Variants in ATG16L1 observed in about 807,000 individuals in gnomAD.
ATG16L1 encodes autophagy related 16 like 1.
ATG16L1 carries 37 observed loss-of-function variants against 88.5 expected under a neutral mutation model. The observed-to-expected ratio is 0.42, with a 90% CI of 0.32 to 0.55. The LOEUF (loss-of-function observed/expected upper bound fraction) is 0.55. ATG16L1 is among the 20% of genes least tolerant of loss of function. ATG16L1 has a pLI of 0.13. For missense variants in ATG16L1, 554 were observed against 752.8 expected (o/e 0.74, Z 3.09); for synonymous variants, 301 against 281.0 (o/e 1.07, Z -0.71).
intron 12 of ATG16L1, chr2:233,283,039 G>T (rs533171100): frequency 4.1e-4 from 133 of 327,878 alleles, no homozygotes; most frequent in Non-Finnish European, 5.9e-4. Flanking sequence ...TTGGCTTAAT[G>T]GCACAGAACT....
chr2:233,254,484 C>T (rs984725927), intron 1 of ATG16L1, among the ~76,000 whole-genome samples: 14 of 152,092 alleles, frequency 9.2e-5, no homozygotes, highest in African/African-American at 2.7e-4. Context: ...CTGTTCAGTC[C>T]GTGCCTTTGA....
At chr2:233,261,012 G>A (rs1400423837) in intron 2 of ATG16L1, among the ~76,000 whole-genome samples, 1 of 152,180 alleles carries the variant, frequency 6.6e-6, no homozygotes, top group Non-Finnish European at 1.5e-5. Context: ...CTGGAGGGCA[G>A]TGGCGCAGTC....
Position 233,294,489 on chromosome 2 carries a change from T to A in ATG16L1, c.*139T>A. 1.8e-6 allele frequency: 1 copy of A among 570,706 alleles called. No individual in the cohort carries two copies. The highest frequency in any genetic ancestry group is 2.4e-5 in the South Asian group (1 of 41,466). The allele number at this position is 570,706 out of a possible 1,614,324, so 35.4% of individuals were successfully genotyped here. Reference sequence around the variant, plus strand: ...AGCTCAAGCTATGTGGCACTGTAGCTTTGCCGTGAATGGGATTTCTGAAGA... The same window carrying A: ...AGCTCAAGCTATGTGGCACTGTAGCATTGCCGTGAATGGGATTTCTGAAGA... On this transcript the variant is annotated 3_prime_UTR_variant, in exon 18 of 18. Coordinates refer to ENST00000392017, the MANE Select transcript of ATG16L1 (RefSeq NM_030803.7).
chr2:233,279,403 A>G (rs1482198414), intron 10 of ATG16L1, among the ~76,000 whole-genome samples: 1 of 152,218 alleles, frequency 6.6e-6, no homozygotes. Context: ...ATACTGACAT[A>G]ATCTGTGCCA....
intron 12 of ATG16L1, among the ~76,000 whole-genome samples, chr2:233,284,210 G>A (rs541601878): frequency 1.3e-5 from 2 of 149,722 alleles, no homozygotes; most frequent in South Asian, 2.1e-4. Flanking sequence ...GTGCAATGAC[G>A]TGATCTCGGC....
chr2:233,292,212 C>A lies in ATG16L1; in HGVS notation c.1515C>A (p.Ser505Arg). 1 of 1,614,246 alleles carries A rather than the reference C, an allele frequency of 6.2e-7. No homozygotes were observed. Among genetic ancestry groups the A allele is most frequent in the Non-Finnish European group, 8.5e-7 (1 of 1,180,036 alleles). The change falls in exon 15 of 18, where the codon AGC becomes AGA. Residue 505 changes from serine (S) to arginine (R), a missense_variant. This residue lies in a region of ATG16L1 where 370 missense variants were observed against 509.7 expected (regional missense o/e 0.73). Coordinates refer to ENST00000392017, the MANE Select transcript of ATG16L1 (RefSeq NM_030803.7). Reference protein sequence around the residue: ...DLNPERTELLSCSRDDLLKVI... With the variant: ...DLNPERTELLRCSRDDLLKVI... ...ACCCAGAAAGGACTGAGCTCCTGAG[C>A]TGCTCCCGTGATGACTTGCTAAAAG...
At chr2:233,262,266 G>A (rs760322463) in intron 2 of ATG16L1, among the ~76,000 whole-genome samples, 1 of 152,104 alleles carries the variant, frequency 6.6e-6, no homozygotes, top group African/African-American at 2.4e-5. Flanking sequence ...GGTCTGAGCC[G>A]CACTGTCCCA....
At chr2:233,277,938 T>G (rs553184552) in intron 10 of ATG16L1, among the ~76,000 whole-genome samples, 1 of 152,350 alleles carries the variant, frequency 6.6e-6, no homozygotes, top group South Asian at 2.1e-4. Flanking sequence ...TATGTTTATG[T>G]TAGTAAGGTT....
At chr2:233,283,123 A>G in intron 12 of ATG16L1, 1 of 204,222 alleles carries the variant, frequency 4.9e-6, no homozygotes, top group Non-Finnish European at 1.0e-5. Flanking sequence ...TAGAAGTACA[A>G]ATGGATGTAT....
intron 10 of ATG16L1, among the ~76,000 whole-genome samples, chr2:233,279,231 C>A (rs552010985): frequency 2.6e-5 from 4 of 152,172 alleles, no homozygotes; most frequent in Non-Finnish European, 4.4e-5. Flanking sequence ...AGTAAACAGT[C>A]TGTTTTGAGT....
At chr2:233,255,427 T>A (rs1181311894) in intron 1 of ATG16L1, among the ~76,000 whole-genome samples, 1 of 152,236 alleles carries the variant, frequency 6.6e-6, no homozygotes, top group East Asian at 1.9e-4. Context: ...TCCGCCCAGT[T>A]GCTTGAGCGA....
chr2:233,283,685 G>C (rs1219190031), intron 12 of ATG16L1, among the ~76,000 whole-genome samples: 2 of 151,838 alleles, frequency 1.3e-5, no homozygotes, highest in East Asian at 3.9e-4. Flanking sequence ...TGAGTAGCTA[G>C]GATTACAGGC....
chr2:233,266,812 A>T (rs759694736), intron 5 of ATG16L1, among the ~76,000 whole-genome samples: 6 of 152,224 alleles, frequency 3.9e-5, no homozygotes, highest in Non-Finnish European at 8.8e-5. Context: ...AAATGAATTA[A>T]ATCATGTTAT....
intron 12 of ATG16L1, chr2:233,288,715 C>G (rs1169026661): frequency 1.4e-5 from 7 of 514,350 alleles, no homozygotes; most frequent in Non-Finnish European, 2.7e-5. Flanking sequence ...TCCTCAGATC[C>G]CCTCCCGGCA....
At chr2:233,257,807 C>T (rs1210077332) in intron 2 of ATG16L1, among the ~76,000 whole-genome samples, 1 of 152,048 alleles carries the variant, frequency 6.6e-6, no homozygotes, top group African/African-American at 2.4e-5. Flanking sequence ...GAGTTCAAGA[C>T]CAGCCTGGCC....
intron 11 of ATG16L1, among the ~76,000 whole-genome samples, chr2:233,281,997 A>G (rs181585536): frequency 7.7e-4 from 118 of 152,342 alleles, no homozygotes; most frequent in African/African-American, 2.6e-3. Context: ...CACAGTGCCT[A>G]TTAGGTTCTA....
chr2:233,289,406 T>TGA (rs1243638791), intron 12 of ATG16L1, among the ~76,000 whole-genome samples: 7 of 126,970 alleles, frequency 5.5e-5, no homozygotes, highest in Non-Finnish European at 9.6e-5. Flanking sequence ...TGTGTGTGTG[T>TGA]GTGACAGGAT....
intron 5 of ATG16L1, among the ~76,000 whole-genome samples, chr2:233,265,531 A>G (rs557073809): frequency 6.6e-6 from 1 of 152,264 alleles, no homozygotes; most frequent in East Asian, 1.9e-4. Flanking sequence ...GTGCAGTGGC[A>G]TGATGTTGGC....
At chr2:233,281,481 G>A (rs931423075) in intron 11 of ATG16L1, among the ~76,000 whole-genome samples, 7 of 152,232 alleles carry the variant, frequency 4.6e-5, no homozygotes, top group African/African-American at 7.2e-5. Flanking sequence ...TCTACCCTCC[G>A]AGATTCGCCA....
Sources: allele counts gnomAD v4.1 joint callset (sites outside exome capture counted in the v4.1 genomes callset), GRCh38; gene constraint gnomAD v4.1.1; regional missense constraint gnomAD v4.1.1; transcripts MANE v1.5; gene names NCBI Gene and HGNC (gene_info 2026-07-23, HGNC 2026-07-21).